Variants in NBAS observed in about 807,000 individuals in gnomAD.
NBAS encodes the protein NBAS subunit of NRZ tethering complex, also known as NAG/BC035112 fusion.
In NBAS, 219 loss-of-function variants were observed where a neutral mutation model predicts 302.5. The observed-to-expected ratio is 0.72, with a 90% CI of 0.65 to 0.81. NBAS has a LOEUF of 0.81. NBAS is among the 30% of genes least tolerant of loss of function. The probability of loss-of-function intolerance (pLI) is 0.00; values close to 1 mark genes in which losing one functional copy is unlikely to be tolerated. For missense variants in NBAS, 2,932 were observed against 2,841.6 expected (o/e 1.03, Z -0.72); for synonymous variants, 1,118 against 1,021.6 (o/e 1.09, Z -1.80).
the NBAS span, among the ~76,000 whole-genome samples, chr2:14,823,767 G>A: frequency 6.6e-6 from 1 of 152,102 alleles, no homozygotes. Context: ...TCTTCTTAAA[G>A]CTTAGTTACC....
At chr2:15,451,284 C>G (rs981787781) in intron 21 of NBAS, among the ~76,000 whole-genome samples, 6 of 152,104 alleles carry the variant, frequency 3.9e-5, no homozygotes, top group Non-Finnish European at 8.8e-5. Flanking sequence ...TACCTACCCC[C>G]CAGCTATCCT....
At chr2:15,392,827 A>C (rs938237150) in intron 28 of NBAS, among the ~76,000 whole-genome samples, 2 of 152,040 alleles carry the variant, frequency 1.3e-5, no homozygotes, top group African/African-American at 4.8e-5. Flanking sequence ...GGGGGAAAAA[A>C]AACAAAGCTG....
intron 38 of NBAS, among the ~76,000 whole-genome samples, chr2:15,320,363 C>T (rs896320432): frequency 6.6e-6 from 1 of 152,200 alleles, no homozygotes; most frequent in African/African-American, 2.4e-5. Context: ...TCTCTCACCA[C>T]ACCTATTCAA....
At chr2:15,350,993 C>T (rs182004006) in intron 35 of NBAS, among the ~76,000 whole-genome samples, 115 of 152,242 alleles carry the variant, frequency 7.6e-4, no homozygotes, top group African/African-American at 2.6e-3. Context: ...TACATATATG[C>T]CTGAGAGAAC....
chr2:15,068,797 G>A, the NBAS span, among the ~76,000 whole-genome samples: 11 of 152,158 alleles, frequency 7.2e-5, no homozygotes, highest in Non-Finnish European at 1.3e-4. Flanking sequence ...TTATCTACCT[G>A]TATTAATCTG....
chr2:15,500,622 GA>G (rs1430038414), intron 11 of NBAS, among the ~76,000 whole-genome samples: 1 of 143,680 alleles, frequency 7.0e-6, no homozygotes, highest in Non-Finnish European at 1.5e-5. Context: ...ATGAAGGAAA[GA>G]AAAAAAGGCT....
chr2:14,838,150 C>A, the NBAS span, among the ~76,000 whole-genome samples: 1 of 151,946 alleles, frequency 6.6e-6, no homozygotes, highest in South Asian at 2.1e-4. Flanking sequence ...AACTCTCATA[C>A]ATTATTACTA....
intron 8 of NBAS, among the ~76,000 whole-genome samples, 177 bp downstream of exon 8, chr2:15,536,241 T>C (rs1377119876): frequency 6.6e-6 from 1 of 152,136 alleles, no homozygotes; most frequent in African/African-American, 2.4e-5. Flanking sequence ...AAAATCCTAA[T>C]TGTAGAACCC....
intron 51 of NBAS, among the ~76,000 whole-genome samples, chr2:15,174,148 A>G (rs539749258): frequency 1.3e-5 from 2 of 152,372 alleles, no homozygotes; most frequent in African/African-American, 4.8e-5. Context: ...ATAAATAGAC[A>G]TACCCACAAC....
chr2:15,534,496 C>A, intron 9 of NBAS, 47 bp downstream of exon 9: 1 of 1,344,076 alleles, frequency 7.4e-7, no homozygotes, highest in Non-Finnish European at 1.1e-6. Flanking sequence ...TGAATCTATG[C>A]CAACATTTCT....
the NBAS span, among the ~76,000 whole-genome samples, chr2:14,866,064 C>CT: frequency 6.6e-6 from 1 of 152,070 alleles, no homozygotes; most frequent in Admixed American, 6.6e-5. Flanking sequence ...AGGTGGGATG[C>CT]TTTATCTGAT....
At chr2:14,793,077 T>A in the NBAS span, among the ~76,000 whole-genome samples, 1 of 151,904 alleles carries the variant, frequency 6.6e-6, no homozygotes, top group African/African-American at 2.4e-5. Flanking sequence ...TTTCTCTCTC[T>A]CTCTCTCTCT....
At chr2:15,352,178 G>A in intron 34 of NBAS, 97 bp from the exon 35 acceptor site, 1 of 823,156 alleles carries the variant, frequency 1.2e-6, no homozygotes, top group Non-Finnish European at 2.0e-6. Context: ...CTTTTAAAAA[G>A]AAAATTACCT....
chr2:15,491,122 A>G (rs548544076), intron 11 of NBAS, among the ~76,000 whole-genome samples: 1 of 152,284 alleles, frequency 6.6e-6, no homozygotes, highest in South Asian at 2.1e-4. Flanking sequence ...AATACAGAAT[A>G]AGTCATGTTA....
the NBAS span, among the ~76,000 whole-genome samples, chr2:15,067,679 G>A: frequency 6.6e-6 from 1 of 152,056 alleles, no homozygotes; most frequent in Non-Finnish European, 1.5e-5. Context: ...CTGTGGGGGA[G>A]GGGGAAACGT....
the NBAS span, among the ~76,000 whole-genome samples, chr2:15,138,176 C>T: frequency 6.6e-6 from 1 of 152,074 alleles, no homozygotes; most frequent in Non-Finnish European, 1.5e-5. Context: ...GGGAAACAGT[C>T]GGGTGGACAG....
chr2:15,270,283 G>C (rs965710284), intron 44 of NBAS, among the ~76,000 whole-genome samples: 3 of 152,116 alleles, frequency 2.0e-5, no homozygotes, highest in Non-Finnish European at 2.9e-5. Flanking sequence ...TCCTGCCTCA[G>C]CCTCCCGAGT....
chr2:15,238,659 T>G lies in NBAS; in HGVS notation c.5752A>C (p.Thr1918Pro). 1 of 1,610,474 alleles carries G rather than the reference T, an allele frequency of 6.2e-7. No homozygotes were observed. The highest frequency in any genetic ancestry group is 2.2e-5 in the East Asian group (1 of 44,690). ...TTGACTGTCTTAATAGCCTTTCTAG[T>G]CATCTCTTTACGGGCTTCCACAGAC... ...KLSVEARKEM[T>P]RKAIKTVKHF... is the part of the protein sequence containing the mutation. The change falls in exon 45 of 52, where the codon ACT becomes CCT. Residue 1918 changes from threonine (T) to proline (P), a missense_variant. Thr to Pro is a conservative substitution (Grantham distance 38). Coordinates refer to ENST00000281513, the MANE Select transcript of NBAS (RefSeq NM_015909.4).
the NBAS span, among the ~76,000 whole-genome samples, chr2:14,845,527 T>A: frequency 6.6e-6 from 1 of 152,112 alleles, no homozygotes; most frequent in African/African-American, 2.4e-5. Context: ...TTAAGAACAT[T>A]CAGGAAAATA....
Sources: allele counts gnomAD v4.1 joint callset (sites outside exome capture counted in the v4.1 genomes callset), GRCh38; gene constraint gnomAD v4.1.1; transcripts MANE v1.5; gene names NCBI Gene and HGNC (gene_info 2026-07-23, HGNC 2026-07-21).